Variants in DYNC1I2 observed in about 807,000 individuals in gnomAD.
The protein encoded by DYNC1I2 is cytoplasmic dynein 1 intermediate chain 2.
In DYNC1I2, 53 loss-of-function variants were observed where a neutral mutation model predicts 88.6. The ratio of observed to expected loss-of-function variants is 0.60; its 90% CI spans 0.48 to 0.75. The LOEUF (loss-of-function observed/expected upper bound fraction) is 0.75. DYNC1I2 is among the 30% of genes least tolerant of loss of function. DYNC1I2 has a pLI of 0.00. For synonymous variants in DYNC1I2, 198 were observed against 254.6 expected (o/e 0.78, Z 2.12); for missense variants, 458 against 766.6 (o/e 0.60, Z 4.75).
At position 171,726,930 on chromosome 2, in the gene DYNC1I2, T is replaced by C; in HGVS notation, c.996+14T>C. On this transcript the variant is annotated intron_variant, in intron 11 of 17. Transcript: ENST00000397119. ...TTTCACTGCCAGGTATGGTGGTCTT[T>C]TAACAGTCTTCGCCTCAAGTTTAAG... 4 of 1,586,346 alleles carry C rather than the reference T, an allele frequency of 2.5e-6. No individual in the cohort carries two copies. Among genetic ancestry groups the C allele is most frequent in the Non-Finnish European group, 2.6e-6 (3 of 1,167,890 alleles).
intron 3 of DYNC1I2, among the ~76,000 whole-genome samples, chr2:171,694,814 T>TG (rs1398284945): frequency 6.6e-6 from 1 of 151,766 alleles, no homozygotes; most frequent in African/African-American, 2.4e-5. Context: ...GAGCAAGAGG[T>TG]GGGGGGAGGT....
At chr2:171,726,168 T>C in intron 9 of DYNC1I2, 26 bp from the exon 10 acceptor site, 2 of 1,592,860 alleles carry the variant, frequency 1.3e-6, no homozygotes, top group Non-Finnish European at 1.7e-6. Context: ...CACCATCTTT[T>C]TGGGGGGTTT....
chr2:171,743,436 GC>G (rs1689581428), intron 15 of DYNC1I2, among the ~76,000 whole-genome samples: 1 of 152,134 alleles, frequency 6.6e-6, no homozygotes, highest in African/African-American at 2.4e-5. Flanking sequence ...GTGCCAAACT[GC>G]CCCCTAGTTT....
chr2:171,728,549 AAT>A (rs1688396203), intron 13 of DYNC1I2, 131 bp downstream of exon 13: 2 of 804,740 alleles, frequency 2.5e-6, no homozygotes, highest in Non-Finnish European at 3.8e-6. Context: ...AAACGTGTTT[AAT>A]ATAAGTTTGT....
At chr2:171,689,628 A>G (rs370598431) in intron 1 of DYNC1I2, among the ~76,000 whole-genome samples, 6 of 152,150 alleles carry the variant, frequency 3.9e-5, no homozygotes, top group African/African-American at 1.4e-4. Context: ...GCTAGCTACT[A>G]TGCTCAGCTC....
At chr2:171,713,616 A>G (rs1439316221) in intron 6 of DYNC1I2, among the ~76,000 whole-genome samples, 2 of 152,078 alleles carry the variant, frequency 1.3e-5, no homozygotes, top group Non-Finnish European at 2.9e-5. Context: ...CCATTCATTC[A>G]TTCAGTTATT....
intron 6 of DYNC1I2, among the ~76,000 whole-genome samples, chr2:171,713,797 T>C (rs145289595): frequency 3.4e-4 from 52 of 152,294 alleles, no homozygotes; most frequent in African/African-American, 1.2e-3. Flanking sequence ...AAGAAAAATA[T>C]ATGAGTTTCT....
At chr2:171,699,860 C>T (rs985121209) in intron 3 of DYNC1I2, among the ~76,000 whole-genome samples, 2 of 151,930 alleles carry the variant, frequency 1.3e-5, no homozygotes, top group African/African-American at 4.8e-5. Flanking sequence ...AGGCTGGTTT[C>T]AAGCTCCTGG....
intron 16 of DYNC1I2, 22 bp from the exon 17 acceptor site, chr2:171,745,779 TC>T (rs1689737381): frequency 6.2e-7 from 1 of 1,609,888 alleles, no homozygotes; most frequent in Non-Finnish European, 8.5e-7. Flanking sequence ...TTTAACACTG[TC>T]CTTTATTTTA....
At chr2:171,690,554 A>G (rs1685322248) in intron 2 of DYNC1I2, among the ~76,000 whole-genome samples, 2 of 152,082 alleles carry the variant, frequency 1.3e-5, no homozygotes, top group Non-Finnish European at 2.9e-5. Flanking sequence ...AGATTGATGC[A>G]TTTCTAAAAT....
rs752553830 is a variant in DYNC1I2 at position 171,728,709 on chromosome 2, C to G, written c.1258-8C>G. On this transcript the variant is annotated splice_polypyrimidine_tract_variant and splice_region_variant and intron_variant, in intron 13 of 17. Transcript: ENST00000397119. Reference sequence around the variant, plus strand: ...TACAAACTAATTTTCTCAGGTTTTTCTATGTAGGATAGCATGGAGTTGGTT... The same window carrying G: ...TACAAACTAATTTTCTCAGGTTTTTGTATGTAGGATAGCATGGAGTTGGTT... The G allele has an allele frequency of 5.9e-6, 9 of 1,538,226 alleles. No homozygotes were observed. The South Asian group carries it at 1.2e-4, about 20-fold the overall frequency.
At chr2:171,733,777 T>G (rs1200056313) in intron 15 of DYNC1I2, among the ~76,000 whole-genome samples, 1 of 151,768 alleles carries the variant, frequency 6.6e-6, no homozygotes, top group Non-Finnish European at 1.5e-5. Flanking sequence ...TGTTTTTGTT[T>G]TTTGCTGTGT....
At chr2:171,698,960 T>C (rs566335729) in intron 3 of DYNC1I2, among the ~76,000 whole-genome samples, 1 of 152,126 alleles carries the variant, frequency 6.6e-6, no homozygotes, top group South Asian at 2.1e-4. Flanking sequence ...CAGCCTCCCA[T>C]AGTGTTAGGA....
chr2:171,694,464 C>G (rs1298035635), intron 3 of DYNC1I2, among the ~76,000 whole-genome samples: 4 of 151,936 alleles, frequency 2.6e-5, no homozygotes, highest in African/African-American at 4.8e-5. Flanking sequence ...TCAAGACTAG[C>G]CTGACCAACA....
chr2:171,718,049 C>A (rs111564121), intron 7 of DYNC1I2, among the ~76,000 whole-genome samples: 2 of 151,620 alleles, frequency 1.3e-5, no homozygotes, highest in Non-Finnish European at 2.9e-5. Flanking sequence ...CTCCACCTCC[C>A]AGGTTCAAGT....
intron 4 of DYNC1I2, chr2:171,706,823 A>G (rs1345493056): frequency 1.4e-5 from 6 of 438,698 alleles, no homozygotes; most frequent in Non-Finnish European, 2.4e-5. Context: ...AAAAGTTAAT[A>G]TTTTAAAATA....
At chr2:171,699,643 C>T (rs1309642051) in intron 3 of DYNC1I2, among the ~76,000 whole-genome samples, 1 of 133,552 alleles carries the variant, frequency 7.5e-6, no homozygotes, top group Non-Finnish European at 1.6e-5. Context: ...TGGCGGCGGG[C>T]GGGGGTGCAG....
chr2:171,698,188 C>T (rs1256564232), intron 3 of DYNC1I2, among the ~76,000 whole-genome samples: 1 of 152,138 alleles, frequency 6.6e-6, no homozygotes, highest in Non-Finnish European at 1.5e-5. Flanking sequence ...TTAAGAGTTG[C>T]AGCATTGTTT....
At chr2:171,692,315 T>C (rs965375628) in intron 2 of DYNC1I2, among the ~76,000 whole-genome samples, 1 of 152,192 alleles carries the variant, frequency 6.6e-6, no homozygotes, top group Non-Finnish European at 1.5e-5. Context: ...ATACAGAAGT[T>C]TGTGATACTC....
Sources: allele counts gnomAD v4.1 joint callset (sites outside exome capture counted in the v4.1 genomes callset), GRCh38; gene constraint gnomAD v4.1.1; transcripts MANE v1.5; gene names NCBI Gene and HGNC (gene_info 2026-07-23, HGNC 2026-07-21).